SDCCAG8: variants seen among roughly 807,000 people sequenced by gnomAD.
SDCCAG8 encodes the protein SHH signaling and ciliogenesis regulator SDCCAG8.
A neutral mutation model predicts 101.8 loss-of-function variants in SDCCAG8; 74 were observed. The observed-to-expected ratio is 0.73, with a 90% CI of 0.60 to 0.88. SDCCAG8 has a LOEUF of 0.88. Ranked by LOEUF, SDCCAG8 falls within the 40% of genes least tolerant of loss-of-function variation. The pLI, the probability that SDCCAG8 is intolerant of heterozygous loss-of-function variation, is 0.00. For missense variants in SDCCAG8, 787 were observed against 822.6 expected (o/e 0.96, Z 0.53); for synonymous variants, 281 against 292.9 (o/e 0.96, Z 0.41).
intron 10 of SDCCAG8, among the ~76,000 whole-genome samples, chr1:243,334,908 C>T (rs2074891188): frequency 6.6e-6 from 1 of 152,150 alleles, no homozygotes; most frequent in South Asian, 2.1e-4. Flanking sequence ...CTTGGTACCA[C>T]CTCGTCTCCG....
chr1:243,313,613 T>C (rs2072967025), intron 8 of SDCCAG8, among the ~76,000 whole-genome samples: 2 of 152,226 alleles, frequency 1.3e-5, no homozygotes, highest in African/African-American at 4.8e-5. Flanking sequence ...AAGAAGCTCC[T>C]TGATTACATT....
intron 6 of SDCCAG8, among the ~76,000 whole-genome samples, chr1:243,299,548 G>A (rs2071286642): frequency 6.6e-6 from 1 of 151,980 alleles, no homozygotes; most frequent in Non-Finnish European, 1.5e-5. Context: ...CAATTAGCTG[G>A]GATTACAGGC....
chr1:243,344,996 A>G (rs2075617280), intron 12 of SDCCAG8, among the ~76,000 whole-genome samples: 1 of 152,114 alleles, frequency 6.6e-6, no homozygotes, highest in Non-Finnish European at 1.5e-5. Context: ...TTCTATTTTT[A>G]TGTTACAGTA....
chr1:243,387,417 C>A (rs1341979064), intron 13 of SDCCAG8, among the ~76,000 whole-genome samples: 1 of 152,034 alleles, frequency 6.6e-6, no homozygotes. Flanking sequence ...CATAAATGAT[C>A]TTTTTAATAA....
intron 12 of SDCCAG8, among the ~76,000 whole-genome samples, chr1:243,371,864 C>G (rs1315876150): frequency 6.6e-6 from 1 of 152,062 alleles, no homozygotes; most frequent in Admixed American, 6.6e-5. Context: ...ATGGAATCAC[C>G]ATGTGGATAC....
intron 13 of SDCCAG8, among the ~76,000 whole-genome samples, chr1:243,391,365 T>C (rs1482135903): frequency 6.6e-6 from 1 of 152,206 alleles, no homozygotes; most frequent in Non-Finnish European, 1.5e-5. Context: ...CACATTTTTA[T>C]TATGCTGCAA....
chr1:243,425,614 A>G (rs1327172798), intron 15 of SDCCAG8, among the ~76,000 whole-genome samples: 1 of 152,166 alleles, frequency 6.6e-6, no homozygotes, highest in Non-Finnish European at 1.5e-5. Context: ...TTTCCATTCT[A>G]ACTGATTAGG....
chr1:243,386,054 A>G (rs1050162692), intron 13 of SDCCAG8, among the ~76,000 whole-genome samples: 2 of 152,216 alleles, frequency 1.3e-5, no homozygotes, highest in East Asian at 1.9e-4. Flanking sequence ...AAAAAATAAT[A>G]GAGTTATAGC....
chr1:243,485,835 T>A (rs1447842048), intron 16 of SDCCAG8, among the ~76,000 whole-genome samples: 1 of 150,978 alleles, frequency 6.6e-6, no homozygotes, highest in Non-Finnish European at 1.5e-5. Flanking sequence ...GAGGTTGCAG[T>A]GAGCTGACAT....
chr1:243,432,678 C>A (rs1046034854), intron 16 of SDCCAG8, among the ~76,000 whole-genome samples: 4 of 151,974 alleles, frequency 2.6e-5, no homozygotes, highest in Admixed American at 6.6e-5. Context: ...AATTTCAAAT[C>A]TATGTTTTAG....
At position 243,418,005 on chromosome 1, in the gene SDCCAG8, A is replaced by C; in HGVS notation, c.1782A>C (p.Thr594=). The change falls in exon 15 of 18, where the codon ACA becomes ACC. Residue 594 remains threonine, a synonymous_variant. Coordinates refer to ENST00000366541, the MANE Select transcript of SDCCAG8 (RefSeq NM_006642.5). ...EQYLLLTSQN[T]FLTKLKEECC... ...ATTTGTTGCTGACCTCCCAGAATAC[A>C]TTTTTGACAAAGTTAAAGGAAGAAT... 1 of 1,613,060 alleles carries C rather than the reference A, an allele frequency of 6.2e-7. No homozygotes were observed. The highest frequency in any genetic ancestry group is 8.5e-7 in the Non-Finnish European group (1 of 1,179,252).
intron 10 of SDCCAG8, among the ~76,000 whole-genome samples, chr1:243,332,843 G>A (rs866793609): frequency 1.3e-5 from 2 of 151,902 alleles, no homozygotes; most frequent in Non-Finnish European, 2.9e-5. Context: ...TCGTGGTCCC[G>A]GTCTGGAGGT....
At chr1:243,294,482 G>GAGAGAGAGAGAGAGAAAGAGC (rs2070605364) in intron 6 of SDCCAG8, among the ~76,000 whole-genome samples, 1 of 99,954 alleles carries the variant, frequency 1.0e-5, no homozygotes, top group Non-Finnish European at 2.0e-5. Flanking sequence ...GTGGGGGGGG[G>GAGAGAGAGAGAGAGAAAGAGC]GAGAGAGAGA....
At chr1:243,362,609 C>T (rs563834909) in intron 12 of SDCCAG8, among the ~76,000 whole-genome samples, 1 of 152,306 alleles carries the variant, frequency 6.6e-6, no homozygotes, top group South Asian at 2.1e-4. Flanking sequence ...AATAATTGCT[C>T]AATACACACT....
intron 10 of SDCCAG8, among the ~76,000 whole-genome samples, chr1:243,337,174 C>T (rs941663908): frequency 1.3e-5 from 2 of 152,020 alleles, no homozygotes; most frequent in Non-Finnish European, 2.9e-5. Flanking sequence ...CATCTAGGGT[C>T]AATTTTTGTA....
chr1:243,297,867 C>T (rs1329460188), intron 6 of SDCCAG8, among the ~76,000 whole-genome samples: 1 of 152,034 alleles, frequency 6.6e-6, no homozygotes, highest in Non-Finnish European at 1.5e-5. Context: ...AATATATATT[C>T]CCACTCTGTG....
At chr1:243,497,412 T>A (rs569586361) in intron 17 of SDCCAG8, among the ~76,000 whole-genome samples, 5 of 151,482 alleles carry the variant, frequency 3.3e-5, no homozygotes, top group Admixed American at 2.0e-4. Context: ...GCTTCTCACC[T>A]GAACCGCAGG....
intron 13 of SDCCAG8, among the ~76,000 whole-genome samples, chr1:243,397,933 A>G (rs867043400): frequency 3.3e-5 from 5 of 152,250 alleles, no homozygotes; most frequent in Non-Finnish European, 7.3e-5. Flanking sequence ...TGTGTGGTCA[A>G]TTCATACATA....
At chr1:243,369,227 T>C (rs548827952) in intron 12 of SDCCAG8, among the ~76,000 whole-genome samples, 34 of 152,116 alleles carry the variant, frequency 2.2e-4, no homozygotes, top group Non-Finnish European at 4.1e-4. Context: ...TTGAATCAAA[T>C]GGGGAGTCGA....
Sources: gnomAD v4.1 joint callset for allele counts (sites outside exome capture counted in the v4.1 genomes callset) on GRCh38, gnomAD v4.1.1 for gene constraint, MANE v1.5 for transcripts, NCBI Gene and HGNC (gene_info 2026-07-23, HGNC 2026-07-21) for gene names.